PARD3B: variants seen among roughly 807,000 people sequenced by gnomAD.
The protein encoded by PARD3B is par-3 family cell polarity regulator beta.
PARD3B carries 103 observed loss-of-function variants against 130.2 expected under a neutral mutation model. That is an observed-to-expected ratio of 0.79 (90% confidence interval 0.67 to 0.93). PARD3B has a LOEUF of 0.93. PARD3B is among the 40% of genes least tolerant of loss of function. PARD3B has a pLI of 0.00. For missense variants in PARD3B, 1,609 were observed against 1,499.2 expected, an observed-to-expected ratio of 1.07 and a Z score of -1.21; for synonymous variants, 583 against 553.2, an observed-to-expected ratio of 1.05 and a Z score of -0.76.
intron 18 of PARD3B, among the ~76,000 whole-genome samples, chr2:205,367,555 C>G (rs2044655338): frequency 6.6e-6 from 1 of 152,096 alleles, no homozygotes; most frequent in Admixed American, 6.6e-5. Flanking sequence ...AACAGACAGC[C>G]CTAAAAGGTT....
intron 21 of PARD3B, among the ~76,000 whole-genome samples, chr2:205,537,387 T>C (rs957839378): frequency 5.3e-5 from 8 of 152,174 alleles, no homozygotes; most frequent in Non-Finnish European, 1.5e-5. Context: ...AAGTGTTGGT[T>C]TCTTTTTCTT....
At chr2:205,391,986 C>T (rs1187669525) in intron 18 of PARD3B, among the ~76,000 whole-genome samples, 1 of 152,060 alleles carries the variant, frequency 6.6e-6, no homozygotes, top group Admixed American at 6.6e-5. Context: ...ACAAATCGTC[C>T]ATTCAGAGGC....
At chr2:205,180,977 G>A (rs1319686806) in intron 13 of PARD3B, among the ~76,000 whole-genome samples, 1 of 152,116 alleles carries the variant, frequency 6.6e-6, no homozygotes, top group African/African-American at 2.4e-5. Flanking sequence ...ACCCTGGGCC[G>A]AGGAATAGCC....
chr2:204,836,855 T>G (rs1194775643), intron 2 of PARD3B, among the ~76,000 whole-genome samples: 1 of 152,192 alleles, frequency 6.6e-6, no homozygotes, highest in African/African-American at 2.4e-5. Flanking sequence ...CCTTTATGGT[T>G]GTTTTTATTT....
intron 6 of PARD3B, among the ~76,000 whole-genome samples, chr2:205,115,585 C>A (rs1403638658): frequency 2.6e-5 from 4 of 151,914 alleles, no homozygotes; most frequent in Admixed American, 2.6e-4. Context: ...TTTTGCTATC[C>A]ACCAGTATTA....
chr2:205,475,218 C>T (rs2048984900), intron 20 of PARD3B, among the ~76,000 whole-genome samples: 3 of 152,054 alleles, frequency 2.0e-5, no homozygotes, highest in Non-Finnish European at 2.9e-5. Context: ...ATAAGAGCCT[C>T]ACAGTAGATT....
At chr2:205,565,555 A>G (rs930435876) in intron 22 of PARD3B, among the ~76,000 whole-genome samples, 2 of 152,198 alleles carry the variant, frequency 1.3e-5, no homozygotes, top group African/African-American at 4.8e-5. Context: ...TGGGTCGGTT[A>G]TAGACAAGTC....
At chr2:205,293,357 T>C (rs1044231839) in intron 16 of PARD3B, 13 of 152,178 alleles carry the variant, frequency 8.5e-5, no homozygotes, top group African/African-American at 3.1e-4. Flanking sequence ...AAACATTTAC[T>C]GTTTTAGCAA....
intron 2 of PARD3B, among the ~76,000 whole-genome samples, chr2:204,859,596 A>T (rs576553950): frequency 6.6e-6 from 1 of 152,304 alleles, no homozygotes; most frequent in South Asian, 2.1e-4. Context: ...TTGATTCCTG[A>T]CATTCAGTTG....
chr2:205,522,693 A>C (rs1380213861), intron 21 of PARD3B, among the ~76,000 whole-genome samples: 2 of 152,176 alleles, frequency 1.3e-5, no homozygotes, highest in African/African-American at 4.8e-5. Context: ...AAATATATGC[A>C]TACCATATTT....
chr2:204,703,479 A>G (rs1022490989), intron 2 of PARD3B, among the ~76,000 whole-genome samples: 1 of 152,236 alleles, frequency 6.6e-6, no homozygotes, highest in Non-Finnish European at 1.5e-5. Flanking sequence ...GTAAAAATAC[A>G]GAAAAGATTG....
chr2:204,802,983 T>TATAATA (rs147774357), intron 2 of PARD3B, among the ~76,000 whole-genome samples: 4,441 of 148,878 alleles, frequency 0.03, 70 homozygotes, highest in Middle Eastern at 0.064. Flanking sequence ...GAAACTAAAG[T>TATAATA]ATAATAATAA....
chr2:205,535,426 G>C (rs1559189704), intron 21 of PARD3B, among the ~76,000 whole-genome samples: 1 of 152,168 alleles, frequency 6.6e-6, no homozygotes, highest in Admixed American at 6.5e-5. Context: ...ACTAACAGCA[G>C]TTTGCAACTC....
rs758721542 is a variant in PARD3B, at chr2:205,463,668, C to T, written c.3044+22996C>T. Reference sequence around the variant, plus strand: ...GGTTAATGGCTGAAGATTAATTAAACAGTCAGAGTTGCTGAAGAAAAGCTG... The same window carrying T: ...GGTTAATGGCTGAAGATTAATTAAATAGTCAGAGTTGCTGAAGAAAAGCTG... On this transcript the variant is annotated intron_variant, in intron 20 of 22. Transcript: ENST00000406610. This position sits in a 1 kb window ranked among gnomAD's most constrained non-coding sequence, Gnocchi z 4.8. Among the ~76,000 whole-genome samples, 7 of 152,130 alleles carry T rather than the reference C, an allele frequency of 4.6e-5. No individual in the cohort carries two copies. The highest frequency in any genetic ancestry group is 7.4e-5 in the Non-Finnish European group (5 of 68,018).
intron 3 of PARD3B, among the ~76,000 whole-genome samples, chr2:204,965,547 C>T (rs753129908): frequency 6.6e-6 from 1 of 151,998 alleles, no homozygotes; most frequent in Non-Finnish European, 1.5e-5. Flanking sequence ...TGTATGCCCT[C>T]GAAGTAACAC....
chr2:204,764,713 TGC>T (rs1491265201), intron 2 of PARD3B, among the ~76,000 whole-genome samples: 1 of 123,104 alleles, frequency 8.1e-6, no homozygotes, highest in African/African-American at 3.4e-5. Flanking sequence ...CTGGCATGCA[TGC>T]GTGTGTGTGT....
chr2:205,399,218 C>T (rs182477841), intron 18 of PARD3B, among the ~76,000 whole-genome samples: 5 of 151,672 alleles, frequency 3.3e-5, no homozygotes, highest in African/African-American at 9.7e-5. Context: ...TGCAGTGAGC[C>T]GAGATCATGC....
At chr2:204,920,808 T>C (rs900467819) in intron 2 of PARD3B, among the ~76,000 whole-genome samples, 3 of 152,168 alleles carry the variant, frequency 2.0e-5, no homozygotes, top group African/African-American at 7.2e-5. Context: ...GCTCCTTTCT[T>C]CCCCCTTTTG....
At chr2:205,058,841 A>G (rs1358457875) in intron 4 of PARD3B, among the ~76,000 whole-genome samples, 1 of 151,244 alleles carries the variant, frequency 6.6e-6, no homozygotes, top group Non-Finnish European at 1.5e-5. Flanking sequence ...CTGGATATTA[A>G]CTCCTTATCA....
Sources: allele counts gnomAD v4.1 joint callset (sites outside exome capture counted in the v4.1 genomes callset), GRCh38; gene constraint gnomAD v4.1.1; non-coding constraint Gnocchi (gnomAD v3.1); transcripts MANE v1.5; gene names NCBI Gene and HGNC (gene_info 2026-07-23, HGNC 2026-07-21).